DYNC2H1: variants seen among roughly 807,000 people sequenced by gnomAD.
DYNC2H1 encodes the protein dynein cytoplasmic 2 heavy chain 1.
In DYNC2H1, 410 loss-of-function variants were observed where a neutral mutation model predicts 570.0. The observed-to-expected ratio is 0.72, with a 90% CI of 0.66 to 0.78. The LOEUF is 0.78. Ranked by LOEUF, DYNC2H1 falls within the 30% of genes least tolerant of loss-of-function variation. The pLI is 0.00. For synonymous variants in DYNC2H1, 1,688 were observed against 1,677.6 expected (o/e 1.01, Z -0.15); for missense variants, 4,865 against 5,046.4 (o/e 0.96, Z 1.09).
At chr11:103,431,150 A>G (rs1475686666) in intron 84 of DYNC2H1, among the ~76,000 whole-genome samples, 1 of 150,782 alleles carries the variant, frequency 6.6e-6, no homozygotes. Context: ...CATGAAATGC[A>G]TGGGATGGTG....
chr11:103,137,595 T>A (rs1859642127), intron 17 of DYNC2H1, among the ~76,000 whole-genome samples: 1 of 152,186 alleles, frequency 6.6e-6, no homozygotes, highest in Non-Finnish European at 1.5e-5. Context: ...TATCTCTGTT[T>A]TGGTACCAGT....
Position 103,459,958 on chromosome 11 carries a change from CAAAAAAAAAAGAAA to C in DYNC2H1, c.12648+3613_12648+3626del, listed in dbSNP as rs1459120023. Among the ~76,000 whole-genome samples, 39 of 70,860 alleles carry C rather than the reference CAAAAAAAAAAGAAA, an allele frequency of 5.5e-4. 1 individual carries two copies. The South Asian group carries it at 0.02, about 37-fold the overall frequency. The allele number at this position is 70,860 out of a possible 152,430, so 46.5% of individuals were successfully genotyped here. On this transcript the variant is annotated intron_variant, in intron 87 of 88. Transcript: ENST00000375735. Reference sequence around the variant, plus strand: ...TGGGCGACAGAGCGAGACTCCGTCTCAAAAAAAAAAGAAAAAAAAAAAAAAGCTGAAGGACTTAG... The same window carrying C: ...TGGGCGACAGAGCGAGACTCCGTCTCAAAAAAAAAAAGCTGAAGGACTTAG...
At position 103,186,892 on chromosome 11, in the gene DYNC2H1, A is replaced by G. The variant is rs1010244849; in HGVS notation, c.6893+391A>G. ...GTGGAATTCAGCCTAGTTTTAGTTCATATGGAGCATAGTCTCCTGAAATAT... is the reference window on the plus strand; with the variant it reads ...GTGGAATTCAGCCTAGTTTTAGTTCGTATGGAGCATAGTCTCCTGAAATAT... On this transcript the variant is annotated intron_variant, in intron 42 of 88. Coordinates refer to ENST00000375735, the MANE Select transcript of DYNC2H1 (RefSeq NM_001377.3). This position sits in a 1 kb window ranked among gnomAD's most constrained non-coding sequence, Gnocchi z 4.5. 6.6e-6 allele frequency among the ~76,000 whole-genome samples: 1 copy of G among 152,024 alleles called. No individual in the cohort carries two copies. Among genetic ancestry groups the G allele is most frequent in the African/African-American group, 2.4e-5 (1 of 41,434 alleles).
chr11:103,349,690 C>T (rs566815063), intron 82 of DYNC2H1, among the ~76,000 whole-genome samples: 1 of 152,252 alleles, frequency 6.6e-6, no homozygotes, highest in South Asian at 2.1e-4. Context: ...CAGGTTCATT[C>T]TCAATTTGCT....
At position 103,455,178 on chromosome 11, in the gene DYNC2H1, C is replaced by G. The variant is rs756544728; in HGVS notation, c.12457-8C>G. ...TGTATTTATATGTTCATATTTCCCC[C>G]CCTCTAGAACTGGGTAGATAAAGCT... On this transcript the variant is annotated splice_polypyrimidine_tract_variant and splice_region_variant and intron_variant, in intron 85 of 88. Transcript: ENST00000375735. 6.2e-7 allele frequency: 1 copy of G among 1,604,156 alleles called. No individual in the cohort carries two copies. The highest frequency in any genetic ancestry group is 8.5e-7 in the Non-Finnish European group (1 of 1,172,310).
intron 47 of DYNC2H1, among the ~76,000 whole-genome samples, chr11:103,195,605 T>C (rs1862482858): frequency 6.6e-6 from 1 of 152,228 alleles, no homozygotes; most frequent in African/African-American, 2.4e-5. Context: ...TTTCTCAAAA[T>C]TGTTTTAGCT....
chr11:103,427,938 G>A (rs1943730822), intron 84 of DYNC2H1, among the ~76,000 whole-genome samples: 1 of 135,296 alleles, frequency 7.4e-6, no homozygotes, highest in Non-Finnish European at 1.7e-5. Context: ...GTTCTTCCAA[G>A]AAACAGAACC....
At position 103,305,638 on chromosome 11, in the gene DYNC2H1, A is replaced by C. The variant is rs1867250030; in HGVS notation, c.11382+918A>C. Among the ~76,000 whole-genome samples, 1 of 152,116 alleles carries C rather than the reference A, an allele frequency of 6.6e-6. No individual in the cohort carries two copies. Among genetic ancestry groups the C allele is most frequent in the African/African-American group, 2.4e-5 (1 of 41,410 alleles). ...CAAACAGAATAGAGTAAATTGAGGG[A>C]GGTCCTGCCCTAGGTGTGAGGTATT... On this transcript the variant is annotated intron_variant, in intron 77 of 88. Coordinates refer to ENST00000375735, the MANE Select transcript of DYNC2H1 (RefSeq NM_001377.3). The surrounding 1 kb of genome is among the most constrained non-coding windows in gnomAD (Gnocchi z 4.3).
intron 63 of DYNC2H1, among the ~76,000 whole-genome samples, chr11:103,240,227 C>T (rs1268228877): frequency 1.3e-5 from 2 of 152,118 alleles, no homozygotes; most frequent in African/African-American, 4.8e-5. Flanking sequence ...CCTTTGTTAA[C>T]CTTGTCCATT....
chr11:103,166,766 T>C (rs1362289424), intron 31 of DYNC2H1, among the ~76,000 whole-genome samples: 1 of 152,100 alleles, frequency 6.6e-6, no homozygotes, highest in Non-Finnish European at 1.5e-5. Context: ...TATTCTTTAG[T>C]TTTCAGTAGT....
intron 83 of DYNC2H1, among the ~76,000 whole-genome samples, chr11:103,397,731 C>CA (rs1223070809): frequency 2.0e-5 from 3 of 151,966 alleles, no homozygotes; most frequent in Admixed American, 1.3e-4. Context: ...CCTGTCTCTA[C>CA]AAAAAATACA....
intron 70 of DYNC2H1, among the ~76,000 whole-genome samples, chr11:103,271,171 T>C (rs1865696424): frequency 6.6e-6 from 1 of 152,230 alleles, no homozygotes; most frequent in Admixed American, 6.5e-5. Context: ...CTGCGAAGAT[T>C]AGTTTTTCTT....
intron 75 of DYNC2H1, among the ~76,000 whole-genome samples, chr11:103,292,658 C>T (rs377485685): frequency 3.3e-5 from 5 of 152,284 alleles, no homozygotes; most frequent in Middle Eastern, 6.8e-3. Flanking sequence ...TTGGTGCTGT[C>T]CTCACAATAG....
chr11:103,349,367 G>T (rs1008808279), intron 82 of DYNC2H1, among the ~76,000 whole-genome samples: 1 of 152,064 alleles, frequency 6.6e-6, no homozygotes, highest in Non-Finnish European at 1.5e-5. Context: ...ATGATATAGT[G>T]CATTTATATG....
chr11:103,215,592 G>A lies in DYNC2H1; in HGVS notation c.8695-129G>A, dbSNP rs557328037. 1.2e-3 allele frequency: 995 copies of A among 824,342 alleles called. 1 individual carries two copies. Among genetic ancestry groups the A allele is most frequent in the Non-Finnish European group, 1.5e-3 (911 of 595,870 alleles). 51.1% of individuals were successfully genotyped at this position (824,342 alleles called of 1,614,324 possible). The stretch of plus-strand genomic sequence containing the variant: ...TAATTAGCAATAAGAAAAAACCTAA[G>A]TCTACTTGCTACTGTTTTGTATATA... On this transcript the variant is annotated intron_variant, in intron 54 of 88. Transcript: ENST00000375735.
At position 103,200,033 on chromosome 11, in the gene DYNC2H1, T is replaced by C. The variant is rs1158729363; in HGVS notation, c.8089-13T>C. On this transcript the variant is annotated splice_polypyrimidine_tract_variant and intron_variant, in intron 49 of 88. Coordinates refer to ENST00000375735, the MANE Select transcript of DYNC2H1 (RefSeq NM_001377.3). Reference sequence around the variant, plus strand: ...ACTTAAAGGGCACTAAAAAATATTTTCTGATTTTGCAGGTGCTGCAACTTG... The same window carrying C: ...ACTTAAAGGGCACTAAAAAATATTTCCTGATTTTGCAGGTGCTGCAACTTG... 6.4e-7 allele frequency: 1 copy of C among 1,552,198 alleles called. No homozygotes were observed. Among genetic ancestry groups the C allele is most frequent in the Non-Finnish European group, 8.7e-7 (1 of 1,143,274 alleles).
chr11:103,125,366 C>CT lies in DYNC2H1; in HGVS notation c.1857+90dup, dbSNP rs71465387. ...ACGTTAAACTAGAATATGCTAAAGG[C>CT]TTTTTTTTTTTTTTTTTTTAGGCTC... On this transcript the variant is annotated intron_variant, in intron 12 of 88. Transcript: ENST00000375735. 67,755 of 550,946 alleles carry CT rather than the reference C, an allele frequency of 0.12. 3,428 individuals are homozygous for CT. The highest frequency in any genetic ancestry group is 0.15 in the East Asian group (3,405 of 23,472). 34.1% of individuals were successfully genotyped at this position (550,946 alleles called of 1,614,324 possible). A position where few individuals can be genotyped will look rare whatever the true frequency, so the allele number is the denominator to read the frequency against.
rs149911040 is a variant in DYNC2H1, at chr11:103,442,217, G to A, written c.12456+6185G>A. Among the ~76,000 whole-genome samples the A allele has an allele frequency of 6.3e-3, 964 of 152,062 alleles. 3 individuals are homozygous for A. Among genetic ancestry groups the A allele is most frequent in the Non-Finnish European group, 0.011 (722 of 67,956 alleles). The stretch of plus-strand genomic sequence containing the variant: ...ATATGCCAGCCACTGTTCTTAAGTC[G>A]TAGAAATACACTGTAGTGAGAAAAC... On this transcript the variant is annotated intron_variant, in intron 85 of 88. Coordinates refer to ENST00000375735, the MANE Select transcript of DYNC2H1 (RefSeq NM_001377.3).
At chr11:103,262,946 G>A (rs1371710240) in intron 70 of DYNC2H1, among the ~76,000 whole-genome samples, 1 of 140,496 alleles carries the variant, frequency 7.1e-6, no homozygotes, top group Non-Finnish European at 1.5e-5. Flanking sequence ...GCATTCAGGA[G>A]ACCCATCTCA....
Sources: allele counts gnomAD v4.1 joint callset (sites outside exome capture counted in the v4.1 genomes callset), GRCh38; gene constraint gnomAD v4.1.1; non-coding constraint Gnocchi (gnomAD v3.1); transcripts MANE v1.5; gene names NCBI Gene and HGNC (gene_info 2026-07-23, HGNC 2026-07-21).